STAB2: variants seen among roughly 807,000 people sequenced by gnomAD.
STAB2 encodes stabilin 2, also known as stabilin-2.
A neutral mutation model predicts 338.1 loss-of-function variants in STAB2; 288 were observed. That is an observed-to-expected ratio of 0.85 (90% CI 0.77 to 0.94). The LOEUF is 0.94. STAB2 is among the 40% of genes least tolerant of loss of function. The pLI is 0.00. For synonymous variants in STAB2, 1,202 were observed against 1,193.3 expected, an observed-to-expected ratio of 1.01 and a Z score of -0.15; for missense variants, 3,141 against 3,210.1, an observed-to-expected ratio of 0.98 and a Z score of 0.52.
At chr12:103,656,649 AG>A (rs1874198128) in intron 15 of STAB2, among the ~76,000 whole-genome samples, 1 of 151,914 alleles carries the variant, frequency 6.6e-6, no homozygotes, top group Non-Finnish European at 1.5e-5. Context: ...GGTATCTATA[AG>A]GATATCTTGC....
chr12:103,673,891 C>T lies in STAB2; in HGVS notation c.2372-16C>T. The T allele has an allele frequency of 6.2e-7, 1 of 1,605,004 alleles. No individual in the cohort carries two copies. Among genetic ancestry groups the T allele is most frequent in the Non-Finnish European group, 8.5e-7 (1 of 1,173,336 alleles). On this transcript the variant is annotated splice_polypyrimidine_tract_variant and intron_variant, in intron 22 of 68. Coordinates refer to ENST00000388887, the MANE Select transcript of STAB2 (RefSeq NM_017564.10). ...CCCCAAGGCCTGGACGGATGTCCCTCCTCCTCCTCTTTCAGAATGCCTGTG... is the reference window on the plus strand; with the variant it reads ...CCCCAAGGCCTGGACGGATGTCCCTTCTCCTCCTCTTTCAGAATGCCTGTG...
At chr12:103,736,470 A>G (rs935319969) in intron 52 of STAB2, among the ~76,000 whole-genome samples, 1 of 152,198 alleles carries the variant, frequency 6.6e-6, no homozygotes, top group Non-Finnish European at 1.5e-5. Context: ...AAGAGTATTC[A>G]CATCTTTTCA....
intron 33 of STAB2, 106 bp downstream of exon 33, chr12:103,695,950 A>G (rs994848414): frequency 8.5e-6 from 9 of 1,060,198 alleles, no homozygotes; most frequent in Admixed American, 7.7e-5. Context: ...ATCCTTGTCC[A>G]TAGCCACATA....
chr12:103,714,223 A>G (rs1358483525), intron 42 of STAB2, among the ~76,000 whole-genome samples: 1 of 152,044 alleles, frequency 6.6e-6, no homozygotes, highest in Non-Finnish European at 1.5e-5. Context: ...TATCAAAGTA[A>G]CTCTCCCTGA....
chr12:103,622,797 C>T (rs1957322550), intron 5 of STAB2, among the ~76,000 whole-genome samples: 1 of 152,224 alleles, frequency 6.6e-6, no homozygotes, highest in Non-Finnish European at 1.5e-5. Flanking sequence ...TCTCCCCAGG[C>T]TCTAGGATTC....
chr12:103,609,903 T>C (rs1318308347), intron 3 of STAB2, among the ~76,000 whole-genome samples: 1 of 152,246 alleles, frequency 6.6e-6, no homozygotes, highest in Non-Finnish European at 1.5e-5. Flanking sequence ...TGAAGGGCTG[T>C]TGAATTTTCT....
At chr12:103,669,701 T>C in intron 21 of STAB2, 74 bp downstream of exon 21, 1 of 1,344,872 alleles carries the variant, frequency 7.4e-7, no homozygotes, top group Non-Finnish European at 1.1e-6. Flanking sequence ...CAAAATGTGA[T>C]ATAATGCCAG....
At chr12:103,738,686 A>G (rs189052386) in intron 53 of STAB2, among the ~76,000 whole-genome samples, 44 of 152,298 alleles carry the variant, frequency 2.9e-4, no homozygotes, top group African/African-American at 8.9e-4. Context: ...TTCCTCATCA[A>G]TCTTCTGAAG....
At chr12:103,635,782 T>A (rs1957535816) in intron 6 of STAB2, among the ~76,000 whole-genome samples, 1 of 152,202 alleles carries the variant, frequency 6.6e-6, no homozygotes, top group South Asian at 2.1e-4. Flanking sequence ...CAGCGCCCAC[T>A]GGCTAACAGA....
chr12:103,742,631 TG>T, intron 56 of STAB2, 77 bp downstream of exon 56: 2 of 1,590,468 alleles, frequency 1.3e-6, no homozygotes, highest in Admixed American at 3.4e-5. Context: ...GCCATCTGCC[TG>T]ACCTGGAGGC....
intron 25 of STAB2, among the ~76,000 whole-genome samples, chr12:103,682,044 A>G (rs1343388092): frequency 1.3e-5 from 2 of 152,094 alleles, no homozygotes; most frequent in East Asian, 3.9e-4. Context: ...TGAATTTGGG[A>G]ATAAGGGGAC....
chr12:103,677,659 G>A lies in STAB2; in HGVS notation c.2805+48G>A, dbSNP rs377014318. The A allele has an allele frequency of 8.2e-6, 13 of 1,579,544 alleles. No individual in the cohort carries two copies. In the African/African-American group the frequency reaches 1.1e-4, roughly 13 times the overall value. On this transcript the variant is annotated intron_variant, in intron 25 of 68. Coordinates refer to ENST00000388887, the MANE Select transcript of STAB2 (RefSeq NM_017564.10). Reference sequence around the variant, plus strand: ...AAAGAGAAAGCAGGAATCCTGCAGTGACTTTGCTTTCCCCTCAGGACACAG... The same window carrying A: ...AAAGAGAAAGCAGGAATCCTGCAGTAACTTTGCTTTCCCCTCAGGACACAG...
chr12:103,753,271 T>A lies in STAB2; in HGVS notation c.6632T>A (p.Leu2211Gln), dbSNP rs1316513380. 6.2e-7 allele frequency: 1 copy of A among 1,614,226 alleles called. No homozygotes were observed. Among genetic ancestry groups the A allele is most frequent in the Non-Finnish European group, 8.5e-7 (1 of 1,180,038 alleles). The stretch of plus-strand genomic sequence containing the variant: ...CGCTCCCCACTGGGCCAGTATAAGC[T>A]GACCTTTGACAAAGCCAGAGAGGCC... The part of the protein sequence containing the change: ...HLRSPLGQYK[L>Q]TFDKAREACA... The change falls in exon 61 of 69, where the codon CTG becomes CAG. Residue 2211 changes from leucine (L) to glutamine (Q), a missense_variant. Transcript: ENST00000388887.
chr12:103,608,036 T>A (rs1957060260), intron 3 of STAB2, among the ~76,000 whole-genome samples: 1 of 152,202 alleles, frequency 6.6e-6, no homozygotes, highest in Non-Finnish European at 1.5e-5. Context: ...CTCCACATCC[T>A]CTCCAGCACC....
chr12:103,744,758 C>T (rs952992196), intron 56 of STAB2, among the ~76,000 whole-genome samples: 2 of 152,186 alleles, frequency 1.3e-5, no homozygotes, highest in African/African-American at 4.8e-5. Context: ...CAGACATGAG[C>T]CACCACACCC....
At chr12:103,731,661 A>C (rs779924181) in intron 50 of STAB2, 26 bp downstream of exon 50, 1 of 1,604,936 alleles carries the variant, frequency 6.2e-7, no homozygotes, top group East Asian at 2.2e-5. Flanking sequence ...AAGTTGACTC[A>C]GAGGATAACC....
At chr12:103,705,306 T>A (rs1879245478) in intron 36 of STAB2, among the ~76,000 whole-genome samples, 2 of 152,252 alleles carry the variant, frequency 1.3e-5, no homozygotes, top group Non-Finnish European at 2.9e-5. Context: ...AAAGTTCAGT[T>A]GAGTCAATGT....
chr12:103,591,502 T>C (rs1296834998), intron 2 of STAB2, among the ~76,000 whole-genome samples: 1 of 152,114 alleles, frequency 6.6e-6, no homozygotes, highest in Non-Finnish European at 1.5e-5. Context: ...AAAATATATA[T>C]TGTTATTCAT....
chr12:103,655,106 A>G (rs965429838), intron 13 of STAB2, 145 bp from the exon 14 acceptor site: 11 of 776,780 alleles, frequency 1.4e-5, no homozygotes, highest in African/African-American at 1.4e-4. Context: ...GAACATTTAT[A>G]TAATGCATTG....
Sources: allele counts gnomAD v4.1 joint callset (sites outside exome capture counted in the v4.1 genomes callset), GRCh38; gene constraint gnomAD v4.1.1; transcripts MANE v1.5; gene names NCBI Gene and HGNC (gene_info 2026-07-23, HGNC 2026-07-21).